The following ACO1 variants were observed in gnomAD, a reference collection of about 807,000 sequenced individuals.
ACO1 encodes aconitase 1, also known as cytoplasmic aconitate hydratase.
Under a neutral mutation model 105.1 loss-of-function variants are expected in ACO1, and 78 were observed. That is an observed-to-expected ratio of 0.74 (90% CI 0.62 to 0.90). ACO1 has a LOEUF of 0.90. Ranked by LOEUF, ACO1 falls within the 40% of genes least tolerant of loss-of-function variation. The probability of loss-of-function intolerance (pLI) is 0.00; values close to 1 mark genes in which losing one functional copy is unlikely to be tolerated. For missense variants in ACO1, 965 were observed against 1,111.1 expected (o/e 0.87, Z 1.87); for synonymous variants, 364 against 397.4 (o/e 0.92, Z 1.00).
chr9:32,405,817 T>C (rs780029847), intron 2 of ACO1, among the ~76,000 whole-genome samples: 3 of 152,236 alleles, frequency 2.0e-5, no homozygotes, highest in Admixed American at 6.5e-5. Context: ...TATAACACTT[T>C]ATAGAGTATA....
At chr9:32,396,670 A>G (rs998169413) in intron 1 of ACO1, among the ~76,000 whole-genome samples, 1 of 151,988 alleles carries the variant, frequency 6.6e-6, no homozygotes, top group Non-Finnish European at 1.5e-5. Flanking sequence ...TGCTTTATCA[A>G]TAGAATGGGT....
At position 32,436,341 on chromosome 9, in the gene ACO1, A is replaced by G. The variant is rs1357658001; in HGVS notation, c.2191A>G (p.Asn731Asp). Residue 731 changes from asparagine to aspartate, a missense_variant, in exon 18 of 21, where the codon AAC becomes GAC. Physicochemically the swap from Asn to Asp is conservative, Grantham distance 23. Coordinates refer to ENST00000309951, the MANE Select transcript of ACO1 (RefSeq NM_002197.3). The part of the protein sequence containing the change: ...RGTFANIRLL[N>D]RFLNKQAPQT... ...AACATTTGCCAACATTCGCTTGTTA[A>G]ACAGATTTTTGAACAAGCAGGCACC... 1.2e-6 allele frequency: 2 copies of G among 1,614,060 alleles called. No individual in the cohort carries two copies. Among genetic ancestry groups the G allele is most frequent in the African/African-American group, 1.3e-5 (1 of 74,930 alleles).
Position 32,408,438 on chromosome 9 carries a change from AT to A in ACO1, c.267-75del, listed in dbSNP as rs1214052215. 3 of 1,555,188 alleles carry A rather than the reference AT, an allele frequency of 1.9e-6. No homozygotes were observed. In the East Asian group the frequency reaches 6.7e-5, roughly 35 times the overall value. ...AGGTAGGGCCTTGTCAATATTATCAATGGAGGCAAAAGCTGAAAAATCCAGT... is the reference window on the plus strand; with the variant it reads ...AGGTAGGGCCTTGTCAATATTATCAAGGAGGCAAAAGCTGAAAAATCCAGT... On this transcript the variant is annotated intron_variant, in intron 3 of 20. Coordinates refer to ENST00000309951, the MANE Select transcript of ACO1 (RefSeq NM_002197.3).
At chr9:32,405,792 T>C (rs75438929) in intron 2 of ACO1, among the ~76,000 whole-genome samples, 189 bp downstream of exon 2, 9,107 of 152,330 alleles carry the variant, frequency 0.06, 382 homozygotes, top group Non-Finnish European at 0.088. Context: ...AATGATTACA[T>C]ACATTTGACA....
At chr9:32,449,366 A>G (rs1364884907) in intron 20 of ACO1, among the ~76,000 whole-genome samples, 4 of 152,172 alleles carry the variant, frequency 2.6e-5, no homozygotes, top group Admixed American at 2.6e-4. Flanking sequence ...ATGAGAGCTC[A>G]GGGATGTGAC....
intron 1 of ACO1, among the ~76,000 whole-genome samples, chr9:32,388,275 C>T (rs908726507): frequency 9.9e-5 from 15 of 152,190 alleles, no homozygotes; most frequent in African/African-American, 3.1e-4. Context: ...CCGTGGCTTA[C>T]GCCTGTAATC....
At chr9:32,424,236 G>A (rs557739868) in intron 9 of ACO1, among the ~76,000 whole-genome samples, 6 of 152,240 alleles carry the variant, frequency 3.9e-5, no homozygotes, top group South Asian at 2.1e-4. Context: ...CATATAAAAC[G>A]CGATGAGCTG....
intron 1 of ACO1, among the ~76,000 whole-genome samples, chr9:32,394,839 A>C (rs72710636): frequency 0.098 from 14,963 of 152,202 alleles, 806 homozygotes; most frequent in Non-Finnish European, 0.12. Flanking sequence ...TTTTATTAGC[A>C]TGAGTCATAA....
intron 20 of ACO1, 98 bp from the exon 21 acceptor site, chr9:32,449,900 T>C: frequency 2.4e-6 from 2 of 849,774 alleles, no homozygotes; most frequent in Non-Finnish European, 3.9e-6. Flanking sequence ...GTTACTGAAG[T>C]GTGGACCACA....
At chr9:32,437,790 G>C (rs1299205050) in intron 18 of ACO1, among the ~76,000 whole-genome samples, 1 of 152,134 alleles carries the variant, frequency 6.6e-6, no homozygotes, top group Non-Finnish European at 1.5e-5. Flanking sequence ...CAGAAGACAA[G>C]AAAGAATGTT....
Position 32,423,410 on chromosome 9 carries a change from C to G in ACO1, c.1062C>G (p.Asp354Glu). 1 of 1,597,572 alleles carries G rather than the reference C, an allele frequency of 6.3e-7. No individual in the cohort carries two copies. The highest frequency in any genetic ancestry group is 8.5e-7 in the Non-Finnish European group (1 of 1,171,698). Reference sequence around the variant, plus strand: ...TCAATGACCCTTCTCAAGACCCAGACTTCACCCAGGTATGAGAGTGCCTTC... The same window carrying G: ...TCAATGACCCTTCTCAAGACCCAGAGTTCACCCAGGTATGAGAGTGCCTTC... ...RDFNDPSQDP[D>E]FTQVVELDLK... The change falls in exon 9 of 21, where the codon GAC becomes GAG. Residue 354 changes from aspartate to glutamate, a missense_variant. Asp to Glu is a conservative substitution (Grantham distance 45, BLOSUM62 2). Coordinates refer to ENST00000309951, the MANE Select transcript of ACO1 (RefSeq NM_002197.3).
chr9:32,446,320 C>A (rs905947302), intron 19 of ACO1, among the ~76,000 whole-genome samples: 3 of 152,144 alleles, frequency 2.0e-5, no homozygotes, highest in Non-Finnish European at 4.4e-5. Flanking sequence ...CTTCTTGTTG[C>A]ATTGATCCCT....
chr9:32,392,629 C>G (rs1821289372), intron 1 of ACO1, among the ~76,000 whole-genome samples: 1 of 152,206 alleles, frequency 6.6e-6, no homozygotes, highest in Admixed American at 6.5e-5. Flanking sequence ...CAGTTCCCAT[C>G]TTGTTCATTG....
At chr9:32,413,581 CT>C (rs1821788462) in intron 4 of ACO1, among the ~76,000 whole-genome samples, 1 of 151,590 alleles carries the variant, frequency 6.6e-6, no homozygotes. Context: ...CTCATGATCT[CT>C]CTCCTCATTT....
At chr9:32,417,860 G>A (rs1057197490) in intron 4 of ACO1, among the ~76,000 whole-genome samples, 3 of 152,208 alleles carry the variant, frequency 2.0e-5, no homozygotes, top group Non-Finnish European at 4.4e-5. Flanking sequence ...TTTATGATTA[G>A]ATTAGTTTTA....
In ACO1 at chr9:32,405,491, G is replaced by A. The variant is rs779419619; in HGVS notation, c.-16G>A. ...TGTTCTCTTTTCTTTTCAGGAACAC[G>A]TGGCCATCAGTAATCATGAGCAACC... On this transcript the variant is annotated 5_prime_UTR_variant, in exon 2 of 21. It adds an upstream start codon to the 5' untranslated region. Transcript: ENST00000309951. 7.6e-6 allele frequency: 12 copies of A among 1,581,032 alleles called. No homozygotes were observed. Among genetic ancestry groups the A allele is most frequent in the Admixed American group, 6.7e-5 (4 of 59,684 alleles).
intron 1 of ACO1, among the ~76,000 whole-genome samples, chr9:32,403,991 C>T (rs957600173): frequency 6.6e-6 from 1 of 151,012 alleles, no homozygotes; most frequent in Admixed American, 6.6e-5. Flanking sequence ...GAATTTCAGC[C>T]AGTGGAATTA....
intron 1 of ACO1, among the ~76,000 whole-genome samples, chr9:32,390,164 C>T (rs1821238462): frequency 6.6e-6 from 1 of 152,192 alleles, no homozygotes. Flanking sequence ...TCTTCATTTG[C>T]AGCTGTATAA....
chr9:32,425,918 C>T lies in ACO1; in HGVS notation c.1269C>T (p.Thr423=), dbSNP rs1374245867. Residue 423 remains threonine, a synonymous_variant, in exon 11 of 21, where the codon ACC becomes ACT. Coordinates refer to ENST00000309951, the MANE Select transcript of ACO1 (RefSeq NM_002197.3). ...TTATCTATGATAACACTGAATTCACCCTTGCTCATGGTTCTGTGGTCATTG... is the reference window on the plus strand; with the variant it reads ...TTATCTATGATAACACTGAATTCACTCTTGCTCATGGTTCTGTGGTCATTG... ...KTFIYDNTEF[T]LAHGSVVIAA... is the part of the protein sequence containing the mutation. The T allele has an allele frequency of 7.4e-6, 12 of 1,613,818 alleles. No individual in the cohort carries two copies. Among genetic ancestry groups the T allele is most frequent in the Admixed American group, 1.7e-5 (1 of 59,994 alleles).
Sources: allele counts gnomAD v4.1 joint callset (sites outside exome capture counted in the v4.1 genomes callset), GRCh38; gene constraint gnomAD v4.1.1; transcripts MANE v1.5; gene names NCBI Gene and HGNC (gene_info 2026-07-23, HGNC 2026-07-21).